The following LRBA variants were observed in gnomAD, a reference collection of about 807,000 sequenced individuals.
LRBA encodes the protein LPS responsive beige-like anchor protein, also known as lipopolysaccharide-responsive and beige-like anchor protein.
A neutral mutation model predicts 330.0 loss-of-function variants in LRBA; 176 were observed. The observed-to-expected ratio is 0.53, with a 90% confidence interval of 0.47 to 0.60. The LOEUF (loss-of-function observed/expected upper bound fraction) is 0.60. Among genes scored for constraint, LRBA ranks in the 20% least tolerant of loss-of-function variants. LRBA has a pLI of 0.00. For synonymous variants in LRBA, 1,230 were observed against 1,193.0 expected (o/e 1.03, Z -0.64); for missense variants, 3,259 against 3,444.8 (o/e 0.95, Z 1.35).
Position 150,837,932 on chromosome 4 carries a change from G to C in LRBA, c.4570-5956C>G, listed in dbSNP as rs546313241. Among the ~76,000 whole-genome samples, 3 of 152,272 alleles carry C rather than the reference G, an allele frequency of 2.0e-5. No homozygotes were observed. The East Asian group carries it at 5.8e-4, about 29-fold the overall frequency. ...CATGTTTTTGCAGTGGCTGGTACTG[G>C]TTGTTCCTTTCCATGTTTAGTGCTT... On this transcript the variant is annotated intron_variant, in intron 28 of 56. Coordinates refer to ENST00000651943, the MANE Select transcript of LRBA (RefSeq NM_001364905.1).
At chr4:150,340,839 G>A (rs1453757464) in intron 48 of LRBA, among the ~76,000 whole-genome samples, 1 of 152,192 alleles carries the variant, frequency 6.6e-6, no homozygotes, top group African/African-American at 2.4e-5. Context: ...GAACAGAAAT[G>A]TCAGTGTGAC....
chr4:150,332,094 A>G (rs938517836), intron 48 of LRBA, among the ~76,000 whole-genome samples: 5 of 152,206 alleles, frequency 3.3e-5, no homozygotes, highest in African/African-American at 9.7e-5. Flanking sequence ...TAAAGACTTA[A>G]CACAGTGCCT....
At chr4:150,913,590 T>C (rs1732254578) in intron 9 of LRBA, among the ~76,000 whole-genome samples, 1 of 152,364 alleles carries the variant, frequency 6.6e-6, no homozygotes, top group African/African-American at 2.4e-5. Context: ...CTTATTGATC[T>C]TCTGTCTGGT....
At chr4:150,503,128 A>G (rs1760522607) in intron 40 of LRBA, among the ~76,000 whole-genome samples, 1 of 152,256 alleles carries the variant, frequency 6.6e-6, no homozygotes, top group East Asian at 1.9e-4. Context: ...CTCTGGGGGC[A>G]TGGCACAGAC....
intron 56 of LRBA, among the ~76,000 whole-genome samples, chr4:150,269,046 T>G (rs1322225063): frequency 2.6e-5 from 4 of 152,120 alleles, no homozygotes; most frequent in Non-Finnish European, 5.9e-5. Context: ...ATTTGCAGGA[T>G]ATACAACACG....
chr4:150,461,184 A>G (rs1224021259), intron 44 of LRBA, among the ~76,000 whole-genome samples: 2 of 151,806 alleles, frequency 1.3e-5, no homozygotes, highest in Non-Finnish European at 1.5e-5. Context: ...TGTAGGTACT[A>G]GGTACTTCAG....
chr4:150,558,307 T>C (rs1335973921), intron 40 of LRBA, among the ~76,000 whole-genome samples: 1 of 152,172 alleles, frequency 6.6e-6, no homozygotes, highest in Non-Finnish European at 1.5e-5. Flanking sequence ...TTATTTAGAC[T>C]CCTTCTATAA....
intron 37 of LRBA, among the ~76,000 whole-genome samples, chr4:150,673,632 A>AT (rs1782268975): frequency 6.6e-6 from 1 of 151,978 alleles, no homozygotes; most frequent in Admixed American, 6.6e-5. Context: ...GATAGACATT[A>AT]TTTTTTTTCT....
intron 37 of LRBA, among the ~76,000 whole-genome samples, chr4:150,668,978 C>A (rs974091497): frequency 6.6e-6 from 1 of 152,066 alleles, no homozygotes; most frequent in Non-Finnish European, 1.5e-5. Flanking sequence ...GAAGAGACTG[C>A]GCCCTGGTCT....
At position 150,489,287 on chromosome 4, in the gene LRBA, A is replaced by AATATATATTACATATAC. The variant is rs1561250553; in HGVS notation, c.6449-1454_6449-1453insGTATATGTAATATATAT. On this transcript the variant is annotated intron_variant, in intron 41 of 56. Coordinates refer to ENST00000651943, the MANE Select transcript of LRBA (RefSeq NM_001364905.1). ...AAGAATATATAATATATTATATATA[A>AATATATATTACATATAC]GAATATATAATATATTATATATAAG... 5.6e-4 allele frequency among the ~76,000 whole-genome samples: 32 copies of AATATATATTACATATAC among 57,164 alleles called. 6 individuals carry two copies. The highest frequency in any genetic ancestry group is 8.7e-4 in the Non-Finnish European group (30 of 34,554). 37.5% of individuals were successfully genotyped at this position (57,164 alleles called of 152,430 possible). A position where few individuals can be genotyped will look rare whatever the true frequency, so the allele number is the denominator to read the frequency against.
chr4:150,892,192 C>T (rs1729540731), intron 17 of LRBA, among the ~76,000 whole-genome samples: 1 of 152,162 alleles, frequency 6.6e-6, no homozygotes, highest in Admixed American at 6.5e-5. Context: ...ACTTTTCTTG[C>T]CCACTTTCTC....
intron 2 of LRBA, among the ~76,000 whole-genome samples, chr4:150,998,818 A>C (rs561634010): frequency 2.0e-5 from 3 of 152,348 alleles, no homozygotes; most frequent in Admixed American, 2.0e-4. Context: ...GGGAAAGAAG[A>C]AAAATGACTA....
rs1730982881 is a variant in LRBA at position 150,734,851 on chromosome 4, T to C, written c.5754+407A>G. On this transcript the variant is annotated intron_variant, in intron 36 of 56. Transcript: ENST00000651943. Reference sequence around the variant, plus strand: ...AAGACAGAGAAATTTCACACCCCTGTGTTCAGCTCCTCTCTAGAAACCTGG... The same window carrying C: ...AAGACAGAGAAATTTCACACCCCTGCGTTCAGCTCCTCTCTAGAAACCTGG... Among the ~76,000 whole-genome samples, 4 of 152,192 alleles carry C rather than the reference T, an allele frequency of 2.6e-5. No homozygotes were observed. In the South Asian group the frequency reaches 8.3e-4, roughly 31 times the overall value.
chr4:150,346,379 T>C (rs1736305999), intron 48 of LRBA, among the ~76,000 whole-genome samples: 1 of 151,946 alleles, frequency 6.6e-6, no homozygotes, highest in South Asian at 2.1e-4. Flanking sequence ...ATTAACTACT[T>C]AGGATTGTGG....
At chr4:150,900,023 G>A (rs765207998) in intron 14 of LRBA, 26 bp downstream of exon 14, 7 of 1,557,732 alleles carry the variant, frequency 4.5e-6, no homozygotes, top group Middle Eastern at 1.7e-4. Flanking sequence ...TTTGTGTAAA[G>A]TAATATACAG....
At chr4:150,590,220 T>C (rs1487097576) in intron 39 of LRBA, among the ~76,000 whole-genome samples, 1 of 152,202 alleles carries the variant, frequency 6.6e-6, no homozygotes, top group African/African-American at 2.4e-5. Flanking sequence ...TCAAAATTCC[T>C]ACATCAGGCA....
intron 53 of LRBA, among the ~76,000 whole-genome samples, chr4:150,291,214 T>C: frequency 6.8e-6 from 1 of 146,544 alleles, no homozygotes; most frequent in African/African-American, 2.5e-5. Flanking sequence ...AAGACAAAAT[T>C]GACAAATGGG....
chr4:150,891,574 C>A (rs899584183), intron 17 of LRBA, among the ~76,000 whole-genome samples: 1 of 152,210 alleles, frequency 6.6e-6, no homozygotes, highest in Non-Finnish European at 1.5e-5. Flanking sequence ...ATTCACTCAG[C>A]AGACTGCCTT....
At chr4:150,365,747 C>T (rs1739374673) in intron 47 of LRBA, among the ~76,000 whole-genome samples, 1 of 149,060 alleles carries the variant, frequency 6.7e-6, no homozygotes. Flanking sequence ...GCTGAGATCC[C>T]ACCATTGCAC....
Sources: gnomAD v4.1 joint callset for allele counts (sites outside exome capture counted in the v4.1 genomes callset) on GRCh38, gnomAD v4.1.1 for gene constraint, MANE v1.5 for transcripts, NCBI Gene and HGNC (gene_info 2026-07-23, HGNC 2026-07-21) for gene names.